ZC3H3: variants seen among roughly 807,000 people sequenced by gnomAD.
The protein encoded by ZC3H3 is zinc finger CCCH-type containing 3.
Under a neutral mutation model 77.3 loss-of-function variants are expected in ZC3H3, and 36 were observed. The ratio of observed to expected loss-of-function variants is 0.47; its 90% CI spans 0.36 to 0.61. The LOEUF is 0.61. Ranked by LOEUF, ZC3H3 falls within the 20% of genes least tolerant of loss-of-function variation. The probability of loss-of-function intolerance (pLI) is 0.00; values close to 1 mark genes in which losing one functional copy is unlikely to be tolerated. For synonymous variants in ZC3H3, 626 were observed against 555.2 expected, an observed-to-expected ratio of 1.13 and a Z score of -1.79; for missense variants, 1,331 against 1,312.2, an observed-to-expected ratio of 1.01 and a Z score of -0.22.
At chr8:143,459,823 G>A (rs1820211195) in intron 9 of ZC3H3, among the ~76,000 whole-genome samples, 1 of 152,198 alleles carries the variant, frequency 6.6e-6, no homozygotes, top group Admixed American at 6.5e-5. Flanking sequence ...CCTCAGTGTG[G>A]TAAACTCTAT....
intron 3 of ZC3H3, among the ~76,000 whole-genome samples, chr8:143,520,696 C>T (rs1004906032): frequency 1.3e-5 from 2 of 152,228 alleles, no homozygotes; most frequent in South Asian, 2.1e-4. Context: ...GTTTTGTGAG[C>T]GTCCACCTCG....
chr8:143,438,213 CAG>C (rs1285449816), intron 11 of ZC3H3, 126 bp from the exon 12 acceptor site: 2 of 1,210,868 alleles, frequency 1.7e-6, no homozygotes, highest in South Asian at 1.3e-5. Flanking sequence ...GCAAGGTCTG[CAG>C]AGATACCCTC....
intron 9 of ZC3H3, among the ~76,000 whole-genome samples, chr8:143,443,418 C>T (rs930997755): frequency 6.6e-6 from 1 of 152,042 alleles, no homozygotes; most frequent in Non-Finnish European, 1.5e-5. Context: ...GGCCTGAGAC[C>T]TTCATCTCAT....
intron 9 of ZC3H3, among the ~76,000 whole-genome samples, chr8:143,449,730 C>CA (rs1271832503): frequency 9.0e-6 from 1 of 111,236 alleles, no homozygotes; most frequent in African/African-American, 3.6e-5. Context: ...GACTCCATGT[C>CA]AAAAAAACAA....
chr8:143,478,790 A>G (rs1820821835), intron 4 of ZC3H3, among the ~76,000 whole-genome samples: 1 of 152,236 alleles, frequency 6.6e-6, no homozygotes, highest in African/African-American at 2.4e-5. Flanking sequence ...GATTACAGGC[A>G]TGAGCCACTG....
rs768796961 is a variant in ZC3H3, at chr8:143,538,089, G to A, written c.1278C>T (p.Gly426=). Reference sequence around the variant, plus strand: ...GGGTCTCCCCAGAGAGGGGCTTCAAGCCACTGTGTCCTACTGCTGGTCTGT... The same window carrying A: ...GGGTCTCCCCAGAGAGGGGCTTCAAACCACTGTGTCCTACTGCTGGTCTGT... ...SGDRPAVGHS[G]LKPLSGETPL... The change falls in exon 2 of 12, where the codon GGC becomes GGT. Residue 426 remains glycine (G), a synonymous_variant. Transcript: ENST00000262577. 6.2e-7 allele frequency: 1 copy of A among 1,613,146 alleles called. No homozygotes were observed. Among genetic ancestry groups the A allele is most frequent in the East Asian group, 2.2e-5 (1 of 44,880 alleles).
intron 3 of ZC3H3, among the ~76,000 whole-genome samples, chr8:143,515,541 T>A (rs1196520660): frequency 6.6e-6 from 1 of 152,160 alleles, no homozygotes; most frequent in African/African-American, 2.4e-5. Context: ...GCCCCTCCAC[T>A]GTTTGGAGGG....
rs987836871 is a variant in ZC3H3, at chr8:143,497,813, C to T, written c.1715+9933G>A. ...CGGGTCTCACGTGTGTTATCTGGGC[C>T]GCCAGCAGCTCGAGGCCTGGCCAGG... On this transcript the variant is annotated intron_variant, in intron 4 of 11. Coordinates refer to ENST00000262577, the MANE Select transcript of ZC3H3 (RefSeq NM_015117.3). Among the ~76,000 whole-genome samples, 3 of 152,182 alleles carry T rather than the reference C, an allele frequency of 2.0e-5. No individual in the cohort carries two copies. The East Asian group carries it at 5.8e-4, about 29-fold the overall frequency.
intron 9 of ZC3H3, among the ~76,000 whole-genome samples, chr8:143,443,367 A>G (rs1306434969): frequency 6.6e-6 from 1 of 152,068 alleles, no homozygotes; most frequent in East Asian, 1.9e-4. Context: ...GAAAATATAC[A>G]AGGAAACACA....
chr8:143,518,783 A>G (rs1822145304), intron 3 of ZC3H3, among the ~76,000 whole-genome samples: 1 of 152,228 alleles, frequency 6.6e-6, no homozygotes, highest in African/African-American at 2.4e-5. Context: ...GGCACATACA[A>G]ACGTGCAACT....
Position 143,533,161 on chromosome 8 carries a change from C to T in ZC3H3, c.1561+3096G>A, listed in dbSNP as rs1020654866. The stretch of plus-strand genomic sequence containing the variant: ...ACCAACCCCCCGTTCCCTCCTGTGG[C>T]CTACAAGACCCTTTCCCAGGACCTG... On this transcript the variant is annotated intron_variant, in intron 3 of 11. Coordinates refer to ENST00000262577, the MANE Select transcript of ZC3H3 (RefSeq NM_015117.3). This position sits in a 1 kb window ranked among gnomAD's most constrained non-coding sequence, Gnocchi z 4.0. 3.3e-5 allele frequency among the ~76,000 whole-genome samples: 5 copies of T among 152,162 alleles called. No individual in the cohort carries two copies. Among genetic ancestry groups the T allele is most frequent in the African/African-American group, 1.2e-4 (5 of 41,440 alleles).
intron 11 of ZC3H3, among the ~76,000 whole-genome samples, chr8:143,438,735 A>G (rs1467446274): frequency 3.9e-5 from 6 of 152,140 alleles, no homozygotes; most frequent in Non-Finnish European, 2.9e-5. Flanking sequence ...CAGGCACCAC[A>G]GTGGCCCGCT....
At chr8:143,444,378 G>A (rs1819817109) in intron 9 of ZC3H3, among the ~76,000 whole-genome samples, 1 of 152,086 alleles carries the variant, frequency 6.6e-6, no homozygotes, top group Non-Finnish European at 1.5e-5. Flanking sequence ...TATGGGGCCA[G>A]AATAATCTTG....
intron 3 of ZC3H3, 44 bp downstream of exon 3, chr8:143,536,213 G>GGCAGGC: frequency 6.3e-7 from 1 of 1,578,000 alleles, no homozygotes. Flanking sequence ...TATCCCATCA[G>GGCAGGC]GCAGGCCCAG....
chr8:143,477,746 G>A (rs1820777198), intron 4 of ZC3H3, among the ~76,000 whole-genome samples: 1 of 152,192 alleles, frequency 6.6e-6, no homozygotes, highest in African/African-American at 2.4e-5. Context: ...GTCAGGCTGA[G>A]CCCAGGGCCC....
At chr8:143,531,439 C>T (rs1009595216) in intron 3 of ZC3H3, among the ~76,000 whole-genome samples, 1 of 152,230 alleles carries the variant, frequency 6.6e-6, no homozygotes, top group Non-Finnish European at 1.5e-5. Context: ...CCGGGAGAGG[C>T]AGGGAGGGGA....
At chr8:143,492,620 C>G (rs1002533217) in intron 4 of ZC3H3, among the ~76,000 whole-genome samples, 1 of 152,232 alleles carries the variant, frequency 6.6e-6, no homozygotes, top group Admixed American at 6.5e-5. Flanking sequence ...GCACCCACAC[C>G]TGCGTGGGCA....
At chr8:143,448,040 G>A (rs1232483410) in intron 9 of ZC3H3, among the ~76,000 whole-genome samples, 2 of 152,156 alleles carry the variant, frequency 1.3e-5, no homozygotes, top group Non-Finnish European at 2.9e-5. Context: ...AGGCAGAATT[G>A]CTTAAACCCG....
chr8:143,538,688 T>G lies in ZC3H3; in HGVS notation c.679A>C (p.Lys227Gln). The G allele has an allele frequency of 6.2e-7, 1 of 1,608,206 alleles. No individual in the cohort carries two copies. The highest frequency in any genetic ancestry group is 8.5e-7 in the Non-Finnish European group (1 of 1,179,882). Residue 227 changes from lysine (K) to glutamine (Q), a missense_variant, in exon 2 of 12, where the codon AAG (lysine) becomes CAG (glutamine). By Grantham distance (53) the Lys-to-Gln change is moderately conservative. Transcript: ENST00000262577. ...AGAGCGGAGGATGGGAAGCTCGCCT[T>G]GACGGCAATCACACTCTCACTGACT... ...RTVSESVIAVKASFPSSALPP... is the reference protein window; with the variant it reads ...RTVSESVIAVQASFPSSALPP...
Sources: gnomAD v4.1 joint callset for allele counts (sites outside exome capture counted in the v4.1 genomes callset) on GRCh38, gnomAD v4.1.1 for gene constraint, Gnocchi (gnomAD v3.1) non-coding constraint, MANE v1.5 for transcripts, NCBI Gene and HGNC (gene_info 2026-07-23, HGNC 2026-07-21) for gene names.